Variants in CDH12 observed in about 807,000 individuals in gnomAD.
CDH12 encodes the protein cadherin-12.
In CDH12, 41 loss-of-function variants were observed where a neutral mutation model predicts 74.1. That is an observed-to-expected ratio of 0.55 (90% CI 0.43 to 0.72). The LOEUF (loss-of-function observed/expected upper bound fraction) is 0.72, where lower values mean the gene tolerates loss of function less well. Ranked by LOEUF, CDH12 falls within the 30% of genes least tolerant of loss-of-function variation. The pLI, the probability that CDH12 is intolerant of heterozygous loss-of-function variation, is 0.00. For missense variants in CDH12, 945 were observed against 977.2 expected (o/e 0.97, Z 0.44); for synonymous variants, 399 against 355.0 (o/e 1.12, Z -1.39).
intron 3 of CDH12, among the ~76,000 whole-genome samples, chr5:22,253,699 T>C (rs1378945729): frequency 6.6e-6 from 1 of 151,754 alleles, no homozygotes; most frequent in Non-Finnish European, 1.5e-5. Flanking sequence ...CCTCTTCCCC[T>C]TTTCCCTCTT....
chr5:21,795,207 T>C, intron 10 of CDH12, among the ~76,000 whole-genome samples: 1 of 91,236 alleles, frequency 1.1e-5, no homozygotes, highest in African/African-American at 2.8e-5. Context: ...CAAAAATAAA[T>C]GTGATTTTTT....
chr5:22,321,437 T>C (rs1379007985), intron 3 of CDH12, among the ~76,000 whole-genome samples: 1 of 135,028 alleles, frequency 7.4e-6, no homozygotes, highest in Non-Finnish European at 1.5e-5. Flanking sequence ...AGGTGGGAAT[T>C]GAACAATGAG....
At chr5:22,635,821 G>A (rs949447782) in intron 1 of CDH12, among the ~76,000 whole-genome samples, 1 of 147,268 alleles carries the variant, frequency 6.8e-6, no homozygotes, top group African/African-American at 2.5e-5. Context: ...GGATGAGGCA[G>A]GAGAACTGCT....
intron 4 of CDH12, among the ~76,000 whole-genome samples, chr5:22,082,045 G>T (rs1277385641): frequency 6.6e-6 from 1 of 152,146 alleles, no homozygotes; most frequent in Non-Finnish European, 1.5e-5. Flanking sequence ...CTGTCAATCT[G>T]AACACATCTC....
At chr5:21,835,230 T>C (rs1749463709) in intron 8 of CDH12, among the ~76,000 whole-genome samples, 1 of 151,884 alleles carries the variant, frequency 6.6e-6, no homozygotes, top group African/African-American at 2.4e-5. Flanking sequence ...AAATATTTTA[T>C]CCTAGAATAT....
intron 6 of CDH12, among the ~76,000 whole-genome samples, chr5:21,874,475 G>A (rs562075894): frequency 2.5e-4 from 38 of 152,288 alleles, no homozygotes; most frequent in African/African-American, 8.7e-4. Flanking sequence ...GGCAAAAACA[G>A]GAGGTAAAGA....
intron 1 of CDH12, among the ~76,000 whole-genome samples, chr5:22,697,406 C>A (rs552998710): frequency 4.5e-4 from 68 of 151,886 alleles, no homozygotes; most frequent in Admixed American, 1.4e-3. Flanking sequence ...CCCGTCTCTA[C>A]TAAAAAATAG....
chr5:21,961,004 A>G (rs778478302), intron 6 of CDH12, among the ~76,000 whole-genome samples: 53 of 152,098 alleles, frequency 3.5e-4, no homozygotes, highest in Non-Finnish European at 6.2e-4. Flanking sequence ...TGATAAAAAT[A>G]TTTTCATGAA....
intron 1 of CDH12, among the ~76,000 whole-genome samples, chr5:22,517,971 T>C (rs1736876648): frequency 6.6e-6 from 1 of 152,226 alleles, no homozygotes; most frequent in African/African-American, 2.4e-5. Context: ...CTCAGCAACA[T>C]TTTCATGTTA....
At chr5:22,614,333 T>G (rs931308912) in intron 1 of CDH12, among the ~76,000 whole-genome samples, 1 of 152,042 alleles carries the variant, frequency 6.6e-6, no homozygotes, top group Non-Finnish European at 1.5e-5. Context: ...AATTGCACGC[T>G]CTGGGTAAAT....
chr5:22,161,194 A>T (rs1748323448), intron 4 of CDH12, among the ~76,000 whole-genome samples: 1 of 152,108 alleles, frequency 6.6e-6, no homozygotes, highest in South Asian at 2.1e-4. Context: ...TGCTAACCCC[A>T]ATGACCTCTT....
chr5:22,592,989 G>C (rs1028640152), intron 1 of CDH12, among the ~76,000 whole-genome samples: 1 of 142,810 alleles, frequency 7.0e-6, no homozygotes, highest in Non-Finnish European at 1.5e-5. Flanking sequence ...GAGATCTCAC[G>C]ACTGCACTGT....
chr5:22,220,874 C>T (rs1751990463), intron 3 of CDH12, among the ~76,000 whole-genome samples: 1 of 151,636 alleles, frequency 6.6e-6, no homozygotes, highest in Admixed American at 6.6e-5. Context: ...TATACTCATT[C>T]CCACTTCATC....
chr5:21,849,950 T>C (rs982164977), intron 7 of CDH12, among the ~76,000 whole-genome samples: 2 of 151,660 alleles, frequency 1.3e-5, no homozygotes, highest in Non-Finnish European at 3.0e-5. Context: ...GGTATACACA[T>C]ATAATGGAAT....
At chr5:22,342,435 C>T (rs941759020) in intron 3 of CDH12, among the ~76,000 whole-genome samples, 5 of 152,180 alleles carry the variant, frequency 3.3e-5, no homozygotes, top group African/African-American at 1.2e-4. Flanking sequence ...ACAAGCCCCG[C>T]AGTATTCAGC....
At chr5:22,475,611 C>T (rs887348819) in intron 2 of CDH12, among the ~76,000 whole-genome samples, 7 of 151,974 alleles carry the variant, frequency 4.6e-5, no homozygotes, top group South Asian at 2.1e-4. Context: ...AAATCTATTA[C>T]ATTATATAAA....
chr5:22,686,897 T>A (rs1045599377), intron 1 of CDH12, among the ~76,000 whole-genome samples: 3 of 152,106 alleles, frequency 2.0e-5, no homozygotes, highest in Non-Finnish European at 4.4e-5. Context: ...ATTCTGTTGT[T>A]AAAAATACTC....
intron 7 of CDH12, among the ~76,000 whole-genome samples, chr5:21,849,775 C>T (rs1299896035): frequency 6.6e-6 from 1 of 151,748 alleles, no homozygotes; most frequent in Non-Finnish European, 1.5e-5. Context: ...GCTCTATCCC[C>T]ATGTGACCCA....
chr5:22,774,173 C>G (rs183588557), intron 1 of CDH12, among the ~76,000 whole-genome samples: 46 of 152,102 alleles, frequency 3.0e-4, no homozygotes, highest in African/African-American at 1.0e-3. Context: ...TATTCATGCA[C>G]ATGTATGTTC....
Sources: allele counts gnomAD v4.1 joint callset (sites outside exome capture counted in the v4.1 genomes callset), GRCh38; gene constraint gnomAD v4.1.1; transcripts MANE v1.5; gene names NCBI Gene and HGNC (gene_info 2026-07-23, HGNC 2026-07-21).